MYH3: variants seen among roughly 807,000 people sequenced by gnomAD.
The protein encoded by MYH3 is myosin heavy chain 3.
Under a neutral mutation model 238.0 loss-of-function variants are expected in MYH3, and 130 were observed. That is an observed-to-expected ratio of 0.55 (90% CI 0.47 to 0.63). MYH3 has a LOEUF of 0.63. MYH3 is among the 30% of genes least tolerant of loss of function. MYH3 has a pLI of 0.00. For synonymous variants in MYH3, 880 were observed against 924.1 expected, an observed-to-expected ratio of 0.95 and a Z score of 0.86; for missense variants, 1,853 against 2,374.9, an observed-to-expected ratio of 0.78 and a Z score of 4.57.
rs1383306209 is a variant in MYH3, at chr17:10,638,958, T to C, written c.3254A>G (p.Asp1085Gly). 1.9e-6 allele frequency: 3 copies of C among 1,614,066 alleles called. No individual in the cohort carries two copies. In the African/African-American group the frequency reaches 4.0e-5, roughly 22 times the overall value. Residue 1085 changes from aspartate to glycine, a missense_variant, in exon 26 of 41, where the codon GAT (aspartate) becomes GGT (glycine). This residue lies in a region of MYH3 where 1,044 missense variants were observed against 1,192.6 expected (regional missense o/e 0.88). Transcript: ENST00000583535. The part of the protein sequence containing the change: ...QQLDERLKKK[D>G]FEYCQLQSKV... ...GCTTTGAAGTTGACAATATTCAAAA[T>C]CTTTCCTGTGAAGAGAAATGTAGAA... is the stretch of plus-strand genomic sequence containing the variant.
the MYH3 span, among the ~76,000 whole-genome samples, chr17:10,670,118 A>C: frequency 6.6e-6 from 1 of 152,138 alleles, no homozygotes; most frequent in East Asian, 1.9e-4. The surrounding 1 kb of genome is among the most constrained non-coding windows in gnomAD (Gnocchi z 7.0). Flanking sequence ...ATGACAGTAC[A>C]TTACCAACAA....
rs1445694869 is a variant in MYH3 at position 10,635,037 on chromosome 17, A to C, written c.4173-14T>G. ...GCAAGTTTTTTCCTTAAAGAATATG[A>C]AAGAGAAGCAGCTGTTATTTCAGTT... On this transcript the variant is annotated splice_polypyrimidine_tract_variant and intron_variant, in intron 30 of 40. Coordinates refer to ENST00000583535, the MANE Select transcript of MYH3 (RefSeq NM_002470.4). 6.2e-7 allele frequency: 1 copy of C among 1,612,714 alleles called. No individual in the cohort carries two copies. Among genetic ancestry groups the C allele is most frequent in the Non-Finnish European group, 8.5e-7 (1 of 1,178,820 alleles).
chr17:10,668,275 G>A, the MYH3 span, among the ~76,000 whole-genome samples: 2 of 152,158 alleles, frequency 1.3e-5, no homozygotes, highest in Non-Finnish European at 2.9e-5. Context: ...CGTGCCTGTA[G>A]TCCCAACTAC....
At chr17:10,674,395 C>T in the MYH3 span, 1 of 255,304 alleles carries the variant, frequency 3.9e-6, no homozygotes, top group Non-Finnish European at 7.8e-6. Flanking sequence ...CACTGCTCTC[C>T]AGCCTAGGCA....
chr17:10,634,316 A>C, intron 31 of MYH3, 134 bp from the exon 32 acceptor site: 1 of 1,006,348 alleles, frequency 9.9e-7, no homozygotes, highest in Non-Finnish European at 1.5e-6. Context: ...GTTGTCGATT[A>C]TTGGGCTAAT....
chr17:10,646,394 T>C (rs752495614), intron 10 of MYH3, among the ~76,000 whole-genome samples: 11 of 152,088 alleles, frequency 7.2e-5, no homozygotes, highest in Admixed American at 1.3e-4. Flanking sequence ...TCATAGCCTT[T>C]TCTAAAATCT....
At chr17:10,657,367 T>C (rs2074443461), upstream of MYH3, 1 of 152,200 alleles carries the variant, frequency 6.6e-6, no homozygotes, top group Admixed American at 6.5e-5. Flanking sequence ...CGCGGCTCAT[T>C]CCTTCTCTAT....
intron 14 of MYH3, 38 bp from the exon 15 acceptor site, chr17:10,643,034 C>T (rs1291728958): frequency 6.2e-7 from 1 of 1,614,074 alleles, no homozygotes; most frequent in East Asian, 2.2e-5. Context: ...AAAAGTTAGA[C>T]TTCTTTCAGA....
At chr17:10,656,848 TGA>T (rs1430453730) in intron 1 of MYH3, among the ~76,000 whole-genome samples, 12 of 152,150 alleles carry the variant, frequency 7.9e-5, no homozygotes, top group Admixed American at 2.6e-4. Context: ...AGTGTGGTCT[TGA>T]GAGGACAAGA....
rs1316649234 is a variant in MYH3, at chr17:10,639,896, C to T, written c.2683-94G>A. 2.5e-6 allele frequency: 4 copies of T among 1,591,628 alleles called. No homozygotes were observed. In the Admixed American group the frequency reaches 5.3e-5, roughly 21 times the overall value. On this transcript the variant is annotated intron_variant, in intron 22 of 40. Coordinates refer to ENST00000583535, the MANE Select transcript of MYH3 (RefSeq NM_002470.4). ...ATATGAAGTTCTTTATGAAGCATTTCAACTAAAAAGCAAAAATCCCCACCA... is the reference window on the plus strand; with the variant it reads ...ATATGAAGTTCTTTATGAAGCATTTTAACTAAAAAGCAAAAATCCCCACCA...
Position 10,642,584 on chromosome 17 carries a change from G to A in MYH3, c.1721C>T (p.Ala574Val), listed in dbSNP as rs1253326977. The A allele has an allele frequency of 6.2e-7, 1 of 1,614,134 alleles. No homozygotes were observed. Among genetic ancestry groups the A allele is most frequent in the Non-Finnish European group, 8.5e-7 (1 of 1,180,040 alleles). Reference sequence around the variant, plus strand: ...GTGGATCAGTGAGAAGTGAGCCTCGGCCCTGCCTTTGACCACCTTGGGCTT... The same window carrying A: ...GTGGATCAGTGAGAAGTGAGCCTCGACCCTGCCTTTGACCACCTTGGGCTT... Reference protein sequence around the residue: ...FQKPKVVKGRAEAHFSLIHYA... With the variant: ...FQKPKVVKGRVEAHFSLIHYA... Residue 574 changes from alanine to valine, a missense_variant, in exon 16 of 41, where the codon GCC becomes GTC. Ala to Val is a moderately conservative substitution (Grantham distance 64). Coordinates refer to ENST00000583535, the MANE Select transcript of MYH3 (RefSeq NM_002470.4). The surrounding 1 kb of genome is among the most constrained non-coding windows in gnomAD (Gnocchi z 5.4).
upstream of MYH3, among the ~76,000 whole-genome samples, chr17:10,657,968 A>G (rs2074450803): frequency 1.3e-5 from 2 of 151,886 alleles, no homozygotes; most frequent in African/African-American, 2.4e-5. Flanking sequence ...TTCTTTCTTA[A>G]GCTCTAATAG....
chr17:10,642,402 A>C lies in MYH3; in HGVS notation c.1888+15T>G. 1.2e-6 allele frequency: 2 copies of C among 1,614,132 alleles called. No individual in the cohort carries two copies. The highest frequency in any genetic ancestry group is 1.7e-6 in the Non-Finnish European group (2 of 1,179,992). On this transcript the variant is annotated intron_variant, in intron 16 of 40. Coordinates refer to ENST00000583535, the MANE Select transcript of MYH3 (RefSeq NM_002470.4). This position sits in a 1 kb window ranked among gnomAD's most constrained non-coding sequence, Gnocchi z 5.4. ...AATGGAGGGAAATCACATGGACACA[A>C]AGCACTCCTCTTACCATCCGCCGTG...
At chr17:10,658,104 T>TA (rs1240263583), upstream of MYH3, among the ~76,000 whole-genome samples, 2 of 151,776 alleles carry the variant, frequency 1.3e-5, no homozygotes, top group African/African-American at 2.4e-5. Flanking sequence ...CTGGCTGGGA[T>TA]GGGGTAGGGG....
intron 4 of MYH3, 64 bp from the exon 5 acceptor site, chr17:10,651,732 TTTATTA>T (rs138453847): frequency 4.5e-6 from 5 of 1,101,348 alleles, no homozygotes; most frequent in Middle Eastern, 2.5e-4. Context: ...ACCCCTTGCC[TTTATTA>T]TTATTATTGT....
Position 10,629,983 on chromosome 17 carries a change from T to C in MYH3, c.5563-46A>G, listed in dbSNP as rs1263401018. ...ATGTCACTGGAGAGGAGGGGGCAGA[T>C]TTGCACACGGCATGGGCAGCTTTCT... On this transcript the variant is annotated intron_variant, in intron 38 of 40. Coordinates refer to ENST00000583535, the MANE Select transcript of MYH3 (RefSeq NM_002470.4). 1.4e-5 allele frequency: 22 copies of C among 1,609,680 alleles called. No homozygotes were observed. The Admixed American group carries it at 1.5e-4, about 11-fold the overall frequency.
rs2074160449 is a variant in MYH3, at chr17:10,631,755, T to C, written c.5161-19A>G. On this transcript the variant is annotated intron_variant, in intron 35 of 40. Transcript: ENST00000583535. ...TGGTGTTCTAGGGCAAGAGGAGGGC[T>C]GTTAACCAGGTGCGTATGAGGCTGG... 2.5e-6 allele frequency: 4 copies of C among 1,614,058 alleles called. No individual in the cohort carries two copies. In the South Asian group the frequency reaches 4.4e-5, roughly 18 times the overall value.
chr17:10,641,126 T>C lies in MYH3; in HGVS notation c.2124A>G (p.Lys708=). 1.9e-6 allele frequency: 3 copies of C among 1,613,710 alleles called. No homozygotes were observed. The highest frequency in any genetic ancestry group is 1.3e-5 in the African/African-American group (1 of 75,050). ...GVLEGIRICR[K]GFPNRILYGD... is the part of the protein sequence containing the mutation. ...CATAGAGAATCCTGTTTGGGAACCC[T>C]TTCCTGCAGATGCGGATGCCCTCCA... The change falls in exon 19 of 41, where the codon AAA becomes AAG. Residue 708 remains lysine, a synonymous_variant. Transcript: ENST00000583535.
Position 10,642,356 on chromosome 17 carries a change from GT to G in MYH3, c.1889-47del, listed in dbSNP as rs764311538. ...CACGTGCTGTAGGTGAATCTAAAAGGTTTTTTGTTACTGTGGAACAAATGGA... is the reference window on the plus strand; with the variant it reads ...CACGTGCTGTAGGTGAATCTAAAAGGTTTTTGTTACTGTGGAACAAATGGA... On this transcript the variant is annotated intron_variant, in intron 16 of 40. Coordinates refer to ENST00000583535, the MANE Select transcript of MYH3 (RefSeq NM_002470.4). This position sits in a 1 kb window ranked among gnomAD's most constrained non-coding sequence, Gnocchi z 5.4. The G allele has an allele frequency of 6.2e-7, 1 of 1,613,606 alleles. No individual in the cohort carries two copies.
Sources: allele counts gnomAD v4.1 joint callset (sites outside exome capture counted in the v4.1 genomes callset), GRCh38; gene constraint gnomAD v4.1.1; regional missense constraint gnomAD v4.1.1; non-coding constraint Gnocchi (gnomAD v3.1); transcripts MANE v1.5; gene names NCBI Gene and HGNC (gene_info 2026-07-23, HGNC 2026-07-21).